The following PPP1R13B variants were observed in gnomAD, a reference collection of about 807,000 sequenced individuals.
The protein encoded by PPP1R13B is apoptosis-stimulating of p53 protein 1.
In PPP1R13B, 44 loss-of-function variants were observed where a neutral mutation model predicts 119.8. The observed-to-expected ratio is 0.37, with a 90% CI of 0.29 to 0.47. PPP1R13B has a LOEUF of 0.47. PPP1R13B is among the 20% of genes least tolerant of loss of function. PPP1R13B has a pLI of 0.99. For synonymous variants in PPP1R13B, 542 were observed against 561.5 expected (o/e 0.97, Z 0.49); for missense variants, 1,227 against 1,413.5 (o/e 0.87, Z 2.12).
At chr14:103,837,347 A>G (rs1175101086) in intron 1 of PPP1R13B, among the ~76,000 whole-genome samples, 2 of 152,224 alleles carry the variant, frequency 1.3e-5, no homozygotes, top group Admixed American at 1.3e-4. Flanking sequence ...TGGACATGGC[A>G]GGCATCTATC....
At chr14:103,741,653 A>G in intron 11 of PPP1R13B, 137 bp downstream of exon 11, 1 of 1,152,746 alleles carries the variant, frequency 8.7e-7, no homozygotes, top group Non-Finnish European at 1.2e-6. Flanking sequence ...CTGACACCCA[A>G]GGCTGTACTT....
chr14:103,833,786 C>T (rs982710506), intron 1 of PPP1R13B, among the ~76,000 whole-genome samples: 4 of 152,166 alleles, frequency 2.6e-5, no homozygotes, highest in East Asian at 1.9e-4. Flanking sequence ...GAGAAGACCT[C>T]TCTGCCACCG....
intron 1 of PPP1R13B, among the ~76,000 whole-genome samples, chr14:103,808,752 G>T (rs1273216205): frequency 6.6e-6 from 1 of 152,088 alleles, no homozygotes; most frequent in Non-Finnish European, 1.5e-5. Context: ...TATTATTTTG[G>T]AAAAGGAATA....
intron 1 of PPP1R13B, among the ~76,000 whole-genome samples, chr14:103,828,252 C>T (rs1279794681): frequency 1.3e-5 from 2 of 151,560 alleles, no homozygotes; most frequent in African/African-American, 4.9e-5. Flanking sequence ...ACCTGTAATC[C>T]GAGCTACTTG....
intron 1 of PPP1R13B, among the ~76,000 whole-genome samples, chr14:103,845,020 T>G (rs1301114336): frequency 1.3e-5 from 2 of 152,208 alleles, no homozygotes; most frequent in African/African-American, 4.8e-5. Flanking sequence ...ATATGCTAAG[T>G]TAATAAAAGG....
chr14:103,802,858 A>G lies in PPP1R13B; in HGVS notation c.10-5340T>C, dbSNP rs1382606450. On this transcript the variant is annotated intron_variant, in intron 1 of 16. Coordinates refer to ENST00000202556, the MANE Select transcript of PPP1R13B (RefSeq NM_015316.3). Reference sequence around the variant, plus strand: ...ATAACTTATCCAAAAGTCACTAAACATTATTTCAATTTCTTGTGTTCCATT... The same window carrying G: ...ATAACTTATCCAAAAGTCACTAAACGTTATTTCAATTTCTTGTGTTCCATT... Among the ~76,000 whole-genome samples the G allele has an allele frequency of 2.6e-5, 4 of 152,270 alleles. No individual in the cohort carries two copies. In the East Asian group the frequency reaches 7.7e-4, roughly 29 times the overall value.
In PPP1R13B at chr14:103,738,524, A is replaced by T; in HGVS notation, c.2864+155T>A. The T allele has an allele frequency of 8.1e-7, 1 of 1,229,864 alleles. No homozygotes were observed. Among genetic ancestry groups the T allele is most frequent in the Non-Finnish European group, 1.1e-6 (1 of 894,636 alleles). The allele number at this position is 1,229,864 out of a possible 1,614,324, so 76.2% of individuals were successfully genotyped here. A position where few individuals can be genotyped will look rare whatever the true frequency, so the allele number is the denominator to read the frequency against. ...GAAAAGGCTGGAAAAAAAGGCAAGG[A>T]AACCCTGGCAACAGCTGTCTTTCAA... On this transcript the variant is annotated intron_variant, in intron 14 of 16. Transcript: ENST00000202556. This position sits in a 1 kb window ranked among gnomAD's most constrained non-coding sequence, Gnocchi z 5.6.
chr14:103,788,091 G>C (rs2085514825), intron 2 of PPP1R13B, among the ~76,000 whole-genome samples: 1 of 151,222 alleles, frequency 6.6e-6, no homozygotes, highest in East Asian at 1.9e-4. Context: ...CAGCCTGGGT[G>C]ACAGAGCAAG....
intron 1 of PPP1R13B, 156 bp downstream of exon 1, chr14:103,847,143 G>T (rs1008460398): frequency 1.0e-6 from 1 of 982,638 alleles, no homozygotes. Context: ...TGCCCGCCTG[G>T]GGGGCGCCGC....
At chr14:103,779,591 G>A (rs1164094758) in intron 3 of PPP1R13B, among the ~76,000 whole-genome samples, 5 of 148,364 alleles carry the variant, frequency 3.4e-5, no homozygotes, top group African/African-American at 5.0e-5. Context: ...CCTGGGCAAC[G>A]TGGCGAAAAT....
intron 1 of PPP1R13B, among the ~76,000 whole-genome samples, chr14:103,844,441 AC>A (rs1388508840): frequency 1.3e-5 from 2 of 152,044 alleles, no homozygotes; most frequent in Admixed American, 6.6e-5. Flanking sequence ...ATTAAAAGTT[AC>A]CACATGGCCG....
At chr14:103,842,425 C>T (rs2086931071) in intron 1 of PPP1R13B, among the ~76,000 whole-genome samples, 1 of 151,160 alleles carries the variant, frequency 6.6e-6, no homozygotes, top group Non-Finnish European at 1.5e-5. Flanking sequence ...GCCTCAGTCT[C>T]CTGAGTAGCT....
At chr14:103,833,575 G>A (rs777501079) in intron 1 of PPP1R13B, among the ~76,000 whole-genome samples, 3 of 151,966 alleles carry the variant, frequency 2.0e-5, no homozygotes, top group Non-Finnish European at 4.4e-5. Context: ...CCTGGGAGGC[G>A]GAGGTTACAG....
chr14:103,786,122 C>T (rs1173003945), intron 2 of PPP1R13B, among the ~76,000 whole-genome samples: 3 of 152,194 alleles, frequency 2.0e-5, no homozygotes, highest in Non-Finnish European at 2.9e-5. Flanking sequence ...TCACTGCAAC[C>T]TCCACCTCCC....
chr14:103,742,057 G>C lies in PPP1R13B; in HGVS notation c.1555C>G (p.Gln519Glu). The change falls in exon 11 of 17, where the codon CAG (glutamine) becomes GAG (glutamate). Residue 519 changes from glutamine to glutamate, a missense_variant. Physicochemically the swap from Gln to Glu is conservative, Grantham distance 29. Coordinates refer to ENST00000202556, the MANE Select transcript of PPP1R13B (RefSeq NM_015316.3). The surrounding 1 kb of genome is among the most constrained non-coding windows in gnomAD (Gnocchi z 4.9). ...TPQPGSSQQI[Q>E]QRISVPPSPT... ...CTTGGCGGTACGGAAATCCTCTGCT[G>C]AATCTGTTGTGAGGAGCCTGGCTGG... 1.9e-6 allele frequency: 3 copies of C among 1,614,192 alleles called. No homozygotes were observed. The highest frequency in any genetic ancestry group is 2.5e-6 in the Non-Finnish European group (3 of 1,180,022).
At chr14:103,799,682 T>C (rs1171018830) in intron 1 of PPP1R13B, among the ~76,000 whole-genome samples, 1 of 151,960 alleles carries the variant, frequency 6.6e-6, no homozygotes, top group Non-Finnish European at 1.5e-5. Context: ...GACATCATAT[T>C]GGAAGGAAAT....
At chr14:103,832,686 T>C (rs557696944) in intron 1 of PPP1R13B, among the ~76,000 whole-genome samples, 2 of 152,280 alleles carry the variant, frequency 1.3e-5, no homozygotes, top group East Asian at 3.9e-4. Flanking sequence ...CAGCTGGGCA[T>C]GGTGGCCCAT....
At chr14:103,786,792 T>G (rs1189773689) in intron 2 of PPP1R13B, among the ~76,000 whole-genome samples, 2 of 72,308 alleles carry the variant, frequency 2.8e-5, no homozygotes, top group African/African-American at 6.7e-5. Flanking sequence ...AAAAAAAGGC[T>G]GGTCATGGTG....
rs376270310 is a variant in PPP1R13B at position 103,742,723 on chromosome 14, C to T, written c.1251G>A (p.Gly417=). ...TGGAGACAGTGCCCTGCTTGACAGA[C>T]CCCTCCACGCTCGGATCCTTCCAGT... The part of the protein sequence containing the change: ...GADWKDPSVE[G]SVKQGTVSSQ... The change falls in exon 10 of 17, where the codon GGG becomes GGA. Residue 417 remains glycine (G), a synonymous_variant. Transcript: ENST00000202556. The surrounding 1 kb of genome is among the most constrained non-coding windows in gnomAD (Gnocchi z 4.9). 13 of 1,613,998 alleles carry T rather than the reference C, an allele frequency of 8.1e-6. No individual in the cohort carries two copies. The highest frequency in any genetic ancestry group is 2.7e-5 in the African/African-American group (2 of 74,946).
Sources: gnomAD v4.1 joint callset for allele counts (sites outside exome capture counted in the v4.1 genomes callset) on GRCh38, gnomAD v4.1.1 for gene constraint, Gnocchi (gnomAD v3.1) non-coding constraint, MANE v1.5 for transcripts, NCBI Gene and HGNC (gene_info 2026-07-23, HGNC 2026-07-21) for gene names.